Variants in GSPT1 observed in about 807,000 individuals in gnomAD.
GSPT1 encodes the protein eukaryotic peptide chain release factor GTP-binding subunit ERF3A.
Under a neutral mutation model 72.5 loss-of-function variants are expected in GSPT1, and 20 were observed. The ratio of observed to expected loss-of-function variants is 0.28; its 90% CI spans 0.19 to 0.40. The LOEUF is 0.40. GSPT1 is among the 10% of genes least tolerant of loss of function. The pLI, the probability that GSPT1 is intolerant of heterozygous loss-of-function variation, is 1.00. For missense variants in GSPT1, 580 were observed against 811.9 expected (o/e 0.71, Z 3.47); for synonymous variants, 334 against 293.5 (o/e 1.14, Z -1.41).
rs1596471768 is a variant in GSPT1 at position 11,901,195 on chromosome 16, TTCATA to T, written c.353-3165_353-3161del. ...AAAACCGATATATTTCTACCCTATC[TTCATA>T]CATACACAGTAAACCTTTACTTGTT... On this transcript the variant is annotated intron_variant, in intron 1 of 14. Transcript: ENST00000434724. Among the ~76,000 whole-genome samples, 7 of 152,140 alleles carry T rather than the reference TTCATA, an allele frequency of 4.6e-5. No individual in the cohort carries two copies. In the East Asian group the frequency reaches 1.4e-3, roughly 29 times the overall value.
chr16:11,905,748 T>C (rs1237486940), intron 1 of GSPT1, among the ~76,000 whole-genome samples: 1 of 152,136 alleles, frequency 6.6e-6, no homozygotes, highest in Non-Finnish European at 1.5e-5. Context: ...GGCGGGAGAA[T>C]GGCTTGAACC....
intron 7 of GSPT1, 124 bp from the exon 8 acceptor site, chr16:11,887,055 A>G (rs2054194144): frequency 1.4e-6 from 1 of 711,916 alleles, no homozygotes; most frequent in South Asian, 2.0e-5. Flanking sequence ...AAATAGAAGC[A>G]AACGAGTTAT....
In GSPT1 at chr16:11,872,043, T is replaced by G. The variant is rs750442275; in HGVS notation, c.*1076A>C. ...ATGATTCTAAATATTTTCATTTAGT[T>G]GCTAGGTTGAGATTTAGCTTTAACC... On this transcript the variant is annotated 3_prime_UTR_variant, in exon 15 of 15. Coordinates refer to ENST00000434724, the MANE Select transcript of GSPT1 (RefSeq NM_002094.4). The G allele has an allele frequency of 6.6e-6, 1 of 152,232 alleles. No individual in the cohort carries two copies. Among genetic ancestry groups the G allele is most frequent in the Non-Finnish European group, 1.5e-5 (1 of 68,042 alleles). 9.4% of individuals were successfully genotyped at this position (152,232 alleles called of 1,614,324 possible). A position where few individuals can be genotyped will look rare whatever the true frequency, so the allele number is the denominator to read the frequency against.
rs745835050 is a variant in GSPT1 at position 11,887,607 on chromosome 16, A to G, written c.920T>C (p.Met307Thr). Residue 307 changes from methionine (M) to threonine (T), a missense_variant, in exon 7 of 15, where the codon ATG (methionine) becomes ACG (threonine). Physicochemically the swap from Met to Thr is moderately conservative, Grantham distance 81 (BLOSUM62 -1). Coordinates refer to ENST00000434724, the MANE Select transcript of GSPT1 (RefSeq NM_002094.4). ...ATCAGCTTGAGAGGCACCACCAATC[A>G]TATTTGGGACAAAACTCTTGTGGCC... Reference protein sequence around the residue: ...APGHKSFVPNMIGGASQADLA... With the variant: ...APGHKSFVPNTIGGASQADLA... The G allele has an allele frequency of 6.2e-7, 1 of 1,614,052 alleles. No individual in the cohort carries two copies. The highest frequency in any genetic ancestry group is 8.5e-7 in the Non-Finnish European group (1 of 1,179,962).
intron 5 of GSPT1, among the ~76,000 whole-genome samples, chr16:11,894,521 G>T (rs1261822988): frequency 1.3e-5 from 2 of 152,106 alleles, no homozygotes; most frequent in Non-Finnish European, 2.9e-5. Context: ...TCCCATGTAT[G>T]TTATATGCAA....
chr16:11,912,241 G>A lies in GSPT1; in HGVS notation c.352+3128C>T, dbSNP rs574291480. On this transcript the variant is annotated intron_variant, in intron 1 of 14. Coordinates refer to ENST00000434724, the MANE Select transcript of GSPT1 (RefSeq NM_002094.4). ...CAGGTGCCTGTAATCCCAGCTACTCGGGAGGCTGAGGCAGGAGAATTGCTT... is the reference window on the plus strand; with the variant it reads ...CAGGTGCCTGTAATCCCAGCTACTCAGGAGGCTGAGGCAGGAGAATTGCTT... Among the ~76,000 whole-genome samples, 48 of 151,330 alleles carry A rather than the reference G, an allele frequency of 3.2e-4. No homozygotes were observed. The South Asian group carries it at 6.5e-3, about 20-fold the overall frequency.
chr16:11,900,560 A>G (rs943899541), intron 1 of GSPT1, among the ~76,000 whole-genome samples: 1 of 152,070 alleles, frequency 6.6e-6, no homozygotes, highest in African/African-American at 2.4e-5. Flanking sequence ...CATCTAACAT[A>G]CAGGCACATC....
At chr16:11,916,076 C>A, upstream of GSPT1, 2 of 538,630 alleles carry the variant, frequency 3.7e-6, no homozygotes, top group South Asian at 1.5e-5. Context: ...TGGCCGCCCC[C>A]GTTTCCGGCT....
At chr16:11,909,179 G>C (rs1596476510) in intron 1 of GSPT1, among the ~76,000 whole-genome samples, 1 of 151,616 alleles carries the variant, frequency 6.6e-6, no homozygotes, top group South Asian at 2.1e-4. Flanking sequence ...TCAGGTGCTC[G>C]GGAAAGCCTT....
At position 11,871,383 on chromosome 16, in the gene GSPT1, T is replaced by C. The variant is rs905167255; in HGVS notation, c.*1736A>G. ...AGAAGTTTGAGACCAGCCTGACCAA[T>C]AGGGGGAAACCTCGTCTCCACTAAA... On this transcript the variant is annotated 3_prime_UTR_variant, in exon 15 of 15. Transcript: ENST00000434724. The C allele has an allele frequency of 6.6e-5, 10 of 152,048 alleles. No homozygotes were observed. Among genetic ancestry groups the C allele is most frequent in the Non-Finnish European group, 1.2e-4 (8 of 68,006 alleles). 9.4% of individuals were successfully genotyped at this position (152,048 alleles called of 1,614,324 possible).
Position 11,869,785 on chromosome 16 carries a change from T to C in GSPT1, c.*3334A>G, listed in dbSNP as rs1003969893. On this transcript the variant is annotated 3_prime_UTR_variant, in exon 15 of 15. Coordinates refer to ENST00000434724, the MANE Select transcript of GSPT1 (RefSeq NM_002094.4). The stretch of plus-strand genomic sequence containing the variant: ...ATCACGGAGTAATTCCAGTCATTAC[T>C]AGTGTTCCTGCAGATCGCCAAGGGA... The C allele has an allele frequency of 6.6e-5, 10 of 152,224 alleles. No homozygotes were observed. The highest frequency in any genetic ancestry group is 2.4e-4 in the African/African-American group (10 of 41,458). The allele number at this position is 152,224 out of a possible 1,614,324, so 9.4% of individuals were successfully genotyped here. A position where few individuals can be genotyped will look rare whatever the true frequency, so the allele number is the denominator to read the frequency against.
At chr16:11,905,349 T>A (rs886259937) in intron 1 of GSPT1, among the ~76,000 whole-genome samples, 4 of 152,224 alleles carry the variant, frequency 2.6e-5, no homozygotes, top group Non-Finnish European at 5.9e-5. Context: ...TTAATTTTAA[T>A]AAATTTAAAT....
intron 5 of GSPT1, among the ~76,000 whole-genome samples, chr16:11,891,816 C>T (rs771427994): frequency 1.5e-4 from 22 of 151,548 alleles, no homozygotes; most frequent in Non-Finnish European, 3.1e-4. Context: ...GCGTGTGCCA[C>T]CATGCCTGGC....
chr16:11,890,433 G>A (rs1001265622), intron 6 of GSPT1, among the ~76,000 whole-genome samples: 1 of 152,046 alleles, frequency 6.6e-6, no homozygotes, highest in African/African-American at 2.4e-5. Flanking sequence ...CATTAATTTA[G>A]CTTACCTCAT....
chr16:11,877,259 T>C lies in GSPT1; in HGVS notation c.1602+148A>G. On this transcript the variant is annotated intron_variant, in intron 12 of 14. Coordinates refer to ENST00000434724, the MANE Select transcript of GSPT1 (RefSeq NM_002094.4). The surrounding 1 kb of genome is among the most constrained non-coding windows in gnomAD (Gnocchi z 4.0). ...TGAGGTGCCTATTGTGGTTATGATA[T>C]ATAAGTGGCTTATAATATTTCCATT... The C allele has an allele frequency of 1.7e-6, 1 of 577,330 alleles. No homozygotes were observed. The allele number at this position is 577,330 out of a possible 1,614,324, so 35.8% of individuals were successfully genotyped here.
intron 14 of GSPT1, among the ~76,000 whole-genome samples, chr16:11,874,995 T>TC (rs1422207220): frequency 2.0e-5 from 3 of 152,104 alleles, no homozygotes; most frequent in African/African-American, 7.2e-5. Context: ...ATCAAGACCA[T>TC]CCTGGCTAAC....
intron 1 of GSPT1, among the ~76,000 whole-genome samples, 192 bp from the exon 2 acceptor site, chr16:11,898,227 A>G (rs1279948858): frequency 1.3e-5 from 2 of 152,178 alleles, no homozygotes; most frequent in African/African-American, 4.8e-5. Flanking sequence ...AATTCTACTA[A>G]TTACAGCCAA....
intron 1 of GSPT1, among the ~76,000 whole-genome samples, chr16:11,901,743 G>C (rs1269101683): frequency 6.6e-6 from 1 of 151,694 alleles, no homozygotes; most frequent in Non-Finnish European, 1.5e-5. Flanking sequence ...AGTGAGCCAA[G>C]ATTGCACCAC....
At position 11,875,828 on chromosome 16, in the gene GSPT1, T is replaced by C; in HGVS notation, c.1794A>G (p.Ala598=). Reference sequence around the variant, plus strand: ...TAAAGGTCTCAAGGCAGATGGTTCCTGCTGTCCTTAAGCGAGCAATGCATA... The same window carrying C: ...TAAAGGTCTCAAGGCAGATGGTTCCCGCTGTCCTTAAGCGAGCAATGCATA... The part of the protein sequence containing the change: ...DQVCIARLRT[A]GTICLETFKD... Residue 598 remains alanine (A), a synonymous_variant, in exon 14 of 15, where the codon GCA becomes GCG. Coordinates refer to ENST00000434724, the MANE Select transcript of GSPT1 (RefSeq NM_002094.4). The C allele has an allele frequency of 6.2e-7, 1 of 1,613,894 alleles. No homozygotes were observed. The highest frequency in any genetic ancestry group is 8.5e-7 in the Non-Finnish European group (1 of 1,179,894).
Sources: gnomAD v4.1 joint callset for allele counts (sites outside exome capture counted in the v4.1 genomes callset) on GRCh38, gnomAD v4.1.1 for gene constraint, Gnocchi (gnomAD v3.1) non-coding constraint, MANE v1.5 for transcripts, NCBI Gene and HGNC (gene_info 2026-07-23, HGNC 2026-07-21) for gene names.